Variants in CCDC73 observed in about 807,000 individuals in gnomAD.
CCDC73 encodes the protein coiled-coil domain containing 73.
Under a neutral mutation model 116.5 loss-of-function variants are expected in CCDC73, and 95 were observed. The observed-to-expected ratio is 0.82, with a 90% CI of 0.69 to 0.97. CCDC73 has a LOEUF of 0.97. Among genes scored for constraint, CCDC73 ranks in the 50% least tolerant of loss-of-function variants. The pLI, the probability that CCDC73 is intolerant of heterozygous loss-of-function variation, is 0.00. For synonymous variants in CCDC73, 398 were observed against 401.3 expected (o/e 0.99, Z 0.10); for missense variants, 1,066 against 1,206.8 (o/e 0.88, Z 1.73).
At chr11:32,823,338 G>A in the CCDC73 span, among the ~76,000 whole-genome samples, 1 of 152,178 alleles carries the variant, frequency 6.6e-6, no homozygotes, top group Non-Finnish European at 1.5e-5. Context: ...GCCAGGCATG[G>A]TGGTGGGCAT....
upstream of CCDC73, among the ~76,000 whole-genome samples, chr11:32,798,853 T>A (rs1359113703): frequency 2.0e-5 from 3 of 151,872 alleles, no homozygotes; most frequent in Non-Finnish European, 4.4e-5. Context: ...AAACACTTTT[T>A]TTTCACTACA....
intron 2 of CCDC73, among the ~76,000 whole-genome samples, chr11:32,740,520 C>A (rs933089984): frequency 2.0e-5 from 3 of 151,996 alleles, no homozygotes; most frequent in Non-Finnish European, 2.9e-5. Flanking sequence ...CAAATTTCTG[C>A]AGTATCAGTT....
chr11:32,660,059 A>G (rs1294780684), intron 9 of CCDC73, among the ~76,000 whole-genome samples: 1 of 152,112 alleles, frequency 6.6e-6, no homozygotes, highest in Non-Finnish European at 1.5e-5. Context: ...GGGAATTATC[A>G]CAATGTCAGT....
the CCDC73 span, chr11:32,830,317 A>G: frequency 1.2e-6 from 1 of 845,030 alleles, no homozygotes; most frequent in African/African-American, 1.8e-5. Context: ...GTCACTGGGC[A>G]CGGCGTTTGT....
At chr11:32,721,012 A>T (rs1188068720) in intron 2 of CCDC73, among the ~76,000 whole-genome samples, 2 of 152,052 alleles carry the variant, frequency 1.3e-5, no homozygotes, top group Non-Finnish European at 2.9e-5. Context: ...CTTTGTAATG[A>T]TACTTATTTT....
intron 1 of CCDC73, among the ~76,000 whole-genome samples, chr11:32,763,662 A>G (rs1356829602): frequency 1.3e-5 from 2 of 152,182 alleles, no homozygotes; most frequent in African/African-American, 2.4e-5. Context: ...AAAAGATGGG[A>G]AAAAAACAGA....
rs1205741139 is a variant in CCDC73 at position 32,760,071 on chromosome 11, T to C, written c.135+38A>G. 2.0e-6 allele frequency: 3 copies of C among 1,538,330 alleles called. No individual in the cohort carries two copies. The African/African-American group carries it at 4.2e-5, about 22-fold the overall frequency. On this transcript the variant is annotated intron_variant, in intron 2 of 17. Coordinates refer to ENST00000335185, the MANE Select transcript of CCDC73 (RefSeq NM_001008391.4). ...AACAATAAACTGAACAAAATCAAGTTTTCTTATTTAACAAAAGCATTTTAA... is the reference window on the plus strand; with the variant it reads ...AACAATAAACTGAACAAAATCAAGTCTTCTTATTTAACAAAAGCATTTTAA...
At chr11:32,717,961 G>T (rs1398073230) in intron 3 of CCDC73, 115 bp downstream of exon 3, 4 of 677,680 alleles carry the variant, frequency 5.9e-6, no homozygotes, top group Non-Finnish European at 9.9e-6. Context: ...TGGGGAAACT[G>T]CCCAAATGAT....
chr11:32,631,572 CAGGAAAGGA>C (rs201669330), intron 14 of CCDC73, among the ~76,000 whole-genome samples: 36,993 of 143,464 alleles, frequency 0.26, 5,125 homozygotes, highest in South Asian at 0.32. Context: ...GAAACCTCAT[CAGGAAAGGA>C]AGGAAAGGAA....
intron 3 of CCDC73, among the ~76,000 whole-genome samples, chr11:32,715,439 C>T (rs79728459): frequency 6.6e-6 from 1 of 151,894 alleles, no homozygotes; most frequent in Non-Finnish European, 1.5e-5. Flanking sequence ...TGCATAGCCA[C>T]TGTCCTATAA....
intron 2 of CCDC73, among the ~76,000 whole-genome samples, chr11:32,747,619 G>A (rs1449293011): frequency 2.0e-5 from 3 of 151,844 alleles, no homozygotes; most frequent in African/African-American, 4.8e-5. Flanking sequence ...TTGTTTAAAC[G>A]GTGAGCACAG....
At chr11:32,718,273 A>G (rs933944541) in intron 2 of CCDC73, 126 bp from the exon 3 acceptor site, 83 of 625,064 alleles carry the variant, frequency 1.3e-4, no homozygotes, top group Non-Finnish European at 1.9e-4. Context: ...AAATCTAGAC[A>G]AACTGCAAAT....
chr11:32,800,774 G>A, the CCDC73 span, among the ~76,000 whole-genome samples: 10 of 152,316 alleles, frequency 6.6e-5, no homozygotes, highest in Admixed American at 2.6e-4. Context: ...GAAGAGTGAA[G>A]TAATGAGTCT....
chr11:32,655,043 G>T, intron 9 of CCDC73, 71 bp from the exon 10 acceptor site: 1 of 759,204 alleles, frequency 1.3e-6, no homozygotes, highest in Non-Finnish European at 1.7e-6. Flanking sequence ...TTTCCTGACA[G>T]TTTCAAAGTT....
chr11:32,745,744 G>T lies in CCDC73; in HGVS notation c.135+14365C>A, dbSNP rs55777939. On this transcript the variant is annotated intron_variant, in intron 2 of 17. Transcript: ENST00000335185. Reference sequence around the variant, plus strand: ...GTTTTTTTGTTTGTTTGTTTGTTTTGGTTTTTTTTTTTTTTTTGCTTTCCA... The same window carrying T: ...GTTTTTTTGTTTGTTTGTTTGTTTTTGTTTTTTTTTTTTTTTTGCTTTCCA... 3.9e-3 allele frequency among the ~76,000 whole-genome samples: 165 copies of T among 42,714 alleles called. 2 individuals are homozygous for T. The East Asian group carries it at 0.072, about 19-fold the overall frequency. 28.0% of individuals were successfully genotyped at this position (42,714 alleles called of 152,430 possible). A position where few individuals can be genotyped will look rare whatever the true frequency, so the allele number is the denominator to read the frequency against.
At chr11:32,658,938 A>C (rs887101493) in intron 9 of CCDC73, among the ~76,000 whole-genome samples, 4 of 152,198 alleles carry the variant, frequency 2.6e-5, no homozygotes, top group African/African-American at 9.6e-5. Flanking sequence ...GGAAATAGAA[A>C]GTGTGCTTCA....
chr11:32,721,371 A>C (rs1305051922), intron 2 of CCDC73, among the ~76,000 whole-genome samples: 1 of 152,136 alleles, frequency 6.6e-6, no homozygotes, highest in African/African-American at 2.4e-5. Flanking sequence ...TGATGTCTGC[A>C]ATTTACTTTG....
chr11:32,744,529 G>A (rs543742593), intron 2 of CCDC73, among the ~76,000 whole-genome samples: 5 of 152,210 alleles, frequency 3.3e-5, no homozygotes, highest in South Asian at 2.1e-4. Context: ...CTGTGAATCC[G>A]TCTGGTCCTG....
At chr11:32,625,881 T>C (rs1385592577) in intron 14 of CCDC73, among the ~76,000 whole-genome samples, 1 of 150,338 alleles carries the variant, frequency 6.7e-6, no homozygotes, top group African/African-American at 2.4e-5. Context: ...TCATACTGAA[T>C]GGGCAAAAAC....
Sources: gnomAD v4.1 joint callset for allele counts (sites outside exome capture counted in the v4.1 genomes callset) on GRCh38, gnomAD v4.1.1 for gene constraint, MANE v1.5 for transcripts, NCBI Gene and HGNC (gene_info 2026-07-23, HGNC 2026-07-21) for gene names.